The following SDK1 variants were observed in gnomAD, a reference collection of about 807,000 sequenced individuals.
SDK1 encodes the protein protein sidekick-1.
SDK1 carries 157 observed loss-of-function variants against 245.5 expected under a neutral mutation model. The observed-to-expected ratio is 0.64, with a 90% confidence interval of 0.56 to 0.73. The LOEUF (loss-of-function observed/expected upper bound fraction) is 0.73. SDK1 is among the 30% of genes least tolerant of loss of function. SDK1 has a pLI of 0.00. For missense variants in SDK1, 3,583 were observed against 3,002.3 expected, an observed-to-expected ratio of 1.19 and a Z score of -4.52; for synonymous variants, 1,647 against 1,278.5, an observed-to-expected ratio of 1.29 and a Z score of -6.15.
intron 9 of SDK1, among the ~76,000 whole-genome samples, chr7:3,965,751 G>A (rs1782036770): frequency 1.8e-5 from 1 of 56,718 alleles, no homozygotes; most frequent in Non-Finnish European, 3.3e-5. Flanking sequence ...GGGAGCAGGT[G>A]CGGTGGCATA....
chr7:3,883,545 G>A lies in SDK1; in HGVS notation c.847+61962G>A, dbSNP rs181590218. Among the ~76,000 whole-genome samples the A allele has an allele frequency of 2.3e-3, 344 of 152,202 alleles. 6 individuals carry two copies. In the South Asian group the frequency reaches 0.029, roughly 13 times the overall value. ...TTCCAGAAATTCATCCAGTAACCAG[G>A]GCACATGGGGACCAACAGAAGACTT... On this transcript the variant is annotated intron_variant, in intron 5 of 44. Coordinates refer to ENST00000404826, the MANE Select transcript of SDK1 (RefSeq NM_152744.4).
chr7:4,059,095 C>T (rs1033773739), intron 19 of SDK1, among the ~76,000 whole-genome samples: 1 of 152,026 alleles, frequency 6.6e-6, no homozygotes, highest in Non-Finnish European at 1.5e-5. Flanking sequence ...CAATAGTAAC[C>T]TTGAATTTAA....
At chr7:3,851,386 TA>T (rs1451735731) in intron 5 of SDK1, among the ~76,000 whole-genome samples, 6 of 152,196 alleles carry the variant, frequency 3.9e-5, no homozygotes, top group Admixed American at 2.0e-4. Flanking sequence ...TATAAGTATT[TA>T]GCATATTTAA....
In SDK1 at chr7:4,220,266, C is replaced by A; in HGVS notation, c.5697C>A (p.Ala1899=). 3.1e-6 allele frequency: 5 copies of A among 1,613,170 alleles called. No homozygotes were observed. The highest frequency in any genetic ancestry group is 4.2e-6 in the Non-Finnish European group (5 of 1,179,492). The change falls in exon 39 of 45, where the codon GCC becomes GCA. Residue 1899 remains alanine, a synonymous_variant. Coordinates refer to ENST00000404826, the MANE Select transcript of SDK1 (RefSeq NM_152744.4). The part of the protein sequence containing the change: ...ELQANITAGP[A]EGSPGSPRDV... ...AAGCCAATATCACAGCCGGGCCAGC[C>A]GAGGGTAAGTGGAACTCCAGGGGCA...
chr7:3,754,137 T>A (rs1779852700), intron 4 of SDK1, among the ~76,000 whole-genome samples: 1 of 152,236 alleles, frequency 6.6e-6, no homozygotes, highest in African/African-American at 2.4e-5. Flanking sequence ...CTAATGAAGT[T>A]GGCTCTTGGA....
intron 4 of SDK1, among the ~76,000 whole-genome samples, chr7:3,683,824 C>T (rs1278224442): frequency 6.6e-6 from 1 of 152,196 alleles, no homozygotes; most frequent in Non-Finnish European, 1.5e-5. Flanking sequence ...CTGGAACTAG[C>T]AATGGACACA....
Position 3,782,242 on chromosome 7 carries a change from G to A in SDK1, c.714-39208G>A, listed in dbSNP as rs145861056. On this transcript the variant is annotated intron_variant, in intron 4 of 44. Transcript: ENST00000404826. ...AAAGGGGAAGCACTTGTCTCACATC[G>A]CTAGAGCAGGAACAAGAGGTGATGG... 5.3e-3 allele frequency among the ~76,000 whole-genome samples: 800 copies of A among 152,228 alleles called. 10 individuals are homozygous for A. Among genetic ancestry groups the A allele is most frequent in the Middle Eastern group, 0.02 (6 of 294 alleles).
In SDK1 at chr7:4,245,782, T is replaced by C. The variant is rs147306463; in HGVS notation, c.6358T>C (p.Ser2120Pro). ...LTESVSLKEK[S>P]ADASESEATD... Reference sequence around the variant, plus strand: ...CGAGAGCGTGAGCCTCAAGGAGAAGTCGGCAGATGCATCAGAATCTGAGGT... The same window carrying C: ...CGAGAGCGTGAGCCTCAAGGAGAAGCCGGCAGATGCATCAGAATCTGAGGT... The change falls in exon 44 of 45, where the codon TCG (serine) becomes CCG (proline). Residue 2120 changes from serine to proline, a missense_variant. Physicochemically the swap from Ser to Pro is moderately conservative, Grantham distance 74. Transcript: ENST00000404826. The C allele has an allele frequency of 1.6e-4, 251 of 1,613,652 alleles. No individual in the cohort carries two copies. The African/African-American group carries it at 2.9e-3, about 19-fold the overall frequency.
At chr7:3,875,708 CAG>C (rs954258881) in intron 5 of SDK1, among the ~76,000 whole-genome samples, 7 of 152,170 alleles carry the variant, frequency 4.6e-5, no homozygotes, top group Non-Finnish European at 8.8e-5. Flanking sequence ...AGGAAGGAGA[CAG>C]AAAGTTCAGA....
intron 4 of SDK1, among the ~76,000 whole-genome samples, chr7:3,671,246 C>G (rs779370339): frequency 6.6e-6 from 1 of 152,226 alleles, no homozygotes; most frequent in Non-Finnish European, 1.5e-5. Context: ...CTCTCACTGT[C>G]TCTTCATTTC....
At chr7:4,074,884 C>CTCTCTCTCTCTCTCTGTGTG (rs1377225405) in intron 20 of SDK1, among the ~76,000 whole-genome samples, 2 of 62,458 alleles carry the variant, frequency 3.2e-5, no homozygotes, top group African/African-American at 2.4e-4. Flanking sequence ...CTCTCTCTCT[C>CTCTCTCTCTCTCTCTGTGTG]TGTATATATA....
At chr7:4,112,664 T>A (rs756927499) in intron 23 of SDK1, among the ~76,000 whole-genome samples, 94 of 152,340 alleles carry the variant, frequency 6.2e-4, no homozygotes, top group Non-Finnish European at 1.0e-3. Context: ...CAACTAGATT[T>A]CACTTGCAAA....
chr7:4,130,264 G>A (rs1418933108), intron 27 of SDK1, 167 bp downstream of exon 27: 3 of 699,690 alleles, frequency 4.3e-6, no homozygotes, highest in Non-Finnish European at 6.9e-6. Context: ...GCACTTATAT[G>A]GCCAATTTCA....
At chr7:4,068,186 A>G (rs1297188739) in intron 20 of SDK1, among the ~76,000 whole-genome samples, 1 of 152,108 alleles carries the variant, frequency 6.6e-6, no homozygotes, top group African/African-American at 2.4e-5. Flanking sequence ...TCCTCGCATG[A>G]TCTTAGTAGG....
intron 20 of SDK1, among the ~76,000 whole-genome samples, chr7:4,069,246 T>G (rs895068531): frequency 6.6e-6 from 1 of 152,192 alleles, no homozygotes; most frequent in African/African-American, 2.4e-5. Context: ...TGAGAGAAGT[T>G]GTATCAGTGG....
At chr7:3,522,062 G>C (rs1782957076) in intron 1 of SDK1, among the ~76,000 whole-genome samples, 1 of 151,962 alleles carries the variant, frequency 6.6e-6, no homozygotes, top group South Asian at 2.1e-4. Flanking sequence ...TGACTTCATA[G>C]GATTGTTACC....
intron 1 of SDK1, among the ~76,000 whole-genome samples, chr7:3,474,937 C>T (rs1781307062): frequency 1.3e-5 from 2 of 152,172 alleles, no homozygotes; most frequent in South Asian, 2.1e-4. Context: ...AGTGAGCCTC[C>T]TTCCTGGCCT....
chr7:3,996,612 A>G (rs1784713501), intron 14 of SDK1, among the ~76,000 whole-genome samples: 1 of 152,166 alleles, frequency 6.6e-6, no homozygotes, highest in Non-Finnish European at 1.5e-5. Context: ...GCTACTGTAA[A>G]TAGCAATTTT....
At chr7:3,773,575 T>TC (rs1653338847) in intron 4 of SDK1, among the ~76,000 whole-genome samples, 1 of 152,336 alleles carries the variant, frequency 6.6e-6, no homozygotes, top group African/African-American at 2.4e-5. Context: ...TTTCTTTAAA[T>TC]GAGTGATACT....
Sources: gnomAD v4.1 joint callset for allele counts (sites outside exome capture counted in the v4.1 genomes callset) on GRCh38, gnomAD v4.1.1 for gene constraint, MANE v1.5 for transcripts, NCBI Gene and HGNC (gene_info 2026-07-23, HGNC 2026-07-21) for gene names.